CNBD1: variants seen among roughly 807,000 people sequenced by gnomAD.
CNBD1 encodes the protein cyclic nucleotide-binding domain-containing protein 1.
A neutral mutation model predicts 54.4 loss-of-function variants in CNBD1; 71 were observed. The observed-to-expected ratio is 1.30, with a 90% CI of 1.08 to 1.59. The LOEUF is 1.59. CNBD1 is among the 40% of genes most tolerant of loss of function. The pLI is 0.00. For missense variants in CNBD1, 659 were observed against 518.0 expected (o/e 1.27, Z -2.64); for synonymous variants, 182 against 170.7 (o/e 1.07, Z -0.51).
At chr8:87,340,999 A>C (rs984079682) in intron 8 of CNBD1, among the ~76,000 whole-genome samples, 10 of 151,956 alleles carry the variant, frequency 6.6e-5, no homozygotes, top group Admixed American at 3.9e-4. Flanking sequence ...AAATACAACT[A>C]TCTATCTCTT....
intron 8 of CNBD1, among the ~76,000 whole-genome samples, chr8:87,317,289 G>T (rs1809409052): frequency 6.6e-6 from 1 of 150,600 alleles, no homozygotes; most frequent in Admixed American, 6.6e-5. Flanking sequence ...TTGTTGATTT[G>T]AGACTTTTTT....
chr8:87,316,728 T>C (rs972979289), intron 8 of CNBD1, among the ~76,000 whole-genome samples: 2 of 151,774 alleles, frequency 1.3e-5, no homozygotes, highest in African/African-American at 2.4e-5. Context: ...ATGAGGAAGA[T>C]CATAAGCAGA....
intron 4 of CNBD1, among the ~76,000 whole-genome samples, chr8:86,965,452 TG>T (rs1330291283): frequency 5.3e-5 from 8 of 152,250 alleles, no homozygotes; most frequent in African/African-American, 1.9e-4. Flanking sequence ...CAGAGAGTGA[TG>T]GGGGATTAAC....
chr8:87,335,544 C>G (rs1019031845), intron 8 of CNBD1, among the ~76,000 whole-genome samples: 4 of 151,834 alleles, frequency 2.6e-5, no homozygotes, highest in Non-Finnish European at 5.9e-5. Flanking sequence ...TTTTTCTGCT[C>G]TCCATTTTTT....
chr8:87,246,385 G>A (rs1024078550), intron 6 of CNBD1, among the ~76,000 whole-genome samples: 5 of 152,100 alleles, frequency 3.3e-5, no homozygotes, highest in African/African-American at 1.2e-4. Context: ...CATAAGCTTT[G>A]AGTATAGTCT....
Position 87,007,216 on chromosome 8 carries a change from T to A in CNBD1, c.431+67462T>A, listed in dbSNP as rs1037210175. ...CCATCTCAGAAAAAAAAAAAAAAAATTTAAAACTTATTACTGATTTTCCTA... is the reference window on the plus strand; with the variant it reads ...CCATCTCAGAAAAAAAAAAAAAAAAATTAAAACTTATTACTGATTTTCCTA... On this transcript the variant is annotated intron_variant, in intron 4 of 10. Coordinates refer to ENST00000518476, the MANE Select transcript of CNBD1 (RefSeq NM_173538.3). Among the ~76,000 whole-genome samples, 347 of 151,450 alleles carry A rather than the reference T, an allele frequency of 2.3e-3. 1 individual carries two copies. Among genetic ancestry groups the A allele is most frequent in the African/African-American group, 7.5e-3 (311 of 41,334 alleles).
intron 4 of CNBD1, among the ~76,000 whole-genome samples, chr8:86,960,472 A>G (rs1439925727): frequency 1.3e-5 from 2 of 152,112 alleles, no homozygotes; most frequent in Non-Finnish European, 2.9e-5. Context: ...GAGTAGGTAA[A>G]CAAAGTGGCC....
At chr8:87,024,755 T>G (rs981018694) in intron 4 of CNBD1, among the ~76,000 whole-genome samples, 2 of 152,218 alleles carry the variant, frequency 1.3e-5, no homozygotes, top group Admixed American at 1.3e-4. Flanking sequence ...TTTTAAAGAC[T>G]TCTTCTCCTA....
chr8:87,106,861 T>C (rs1249016684), intron 4 of CNBD1, among the ~76,000 whole-genome samples: 1 of 152,100 alleles, frequency 6.6e-6, no homozygotes, highest in Non-Finnish European at 1.5e-5. Flanking sequence ...ACCAGGTTTC[T>C]CTCTGTCACC....
intron 4 of CNBD1, among the ~76,000 whole-genome samples, chr8:86,977,410 T>G (rs1808366998): frequency 6.6e-6 from 1 of 152,112 alleles, no homozygotes; most frequent in South Asian, 2.1e-4. Flanking sequence ...TCTTTGCTCC[T>G]CAGATTGGAA....
rs34829455 is a variant in CNBD1, at chr8:87,241,268, A to ATTTTTTTTTTTTTTTTTT, written c.771+4162_771+4179dup. On this transcript the variant is annotated intron_variant, in intron 6 of 10. Transcript: ENST00000518476. ...GGGCACAAAAATCTGTATTTGGAAG[A>ATTTTTTTTTTTTTTTTTT]TTTTTTTTTTTTTTTTTTTTTTTGA... Among the ~76,000 whole-genome samples, 80 of 93,848 alleles carry ATTTTTTTTTTTTTTTTTT rather than the reference A, an allele frequency of 8.5e-4. 6 individuals are homozygous for ATTTTTTTTTTTTTTTTTT. Among genetic ancestry groups the ATTTTTTTTTTTTTTTTTT allele is most frequent in the African/African-American group, 3.7e-3 (76 of 20,502 alleles). 61.6% of individuals were successfully genotyped at this position (93,848 alleles called of 152,430 possible).
chr8:87,255,958 G>T (rs1294912114), intron 6 of CNBD1, among the ~76,000 whole-genome samples: 3 of 96,040 alleles, frequency 3.1e-5, no homozygotes, highest in Non-Finnish European at 4.0e-5. Context: ...ATACTCATAT[G>T]ATTTGCAGCT....
chr8:87,027,805 C>A (rs1321752423), intron 4 of CNBD1, among the ~76,000 whole-genome samples: 1 of 152,204 alleles, frequency 6.6e-6, no homozygotes, highest in Non-Finnish European at 1.5e-5. Context: ...ATCAGTTTAC[C>A]AAATTCTAAT....
chr8:87,416,886 T>G (rs1807846552), intron 2 of CNBD1, among the ~76,000 whole-genome samples: 1 of 152,040 alleles, frequency 6.6e-6, no homozygotes, highest in African/African-American at 2.4e-5. Flanking sequence ...TCAACAAACT[T>G]AATTCTGCAC....
intron 4 of CNBD1, among the ~76,000 whole-genome samples, chr8:87,100,161 GA>G (rs1284532270): frequency 6.6e-6 from 1 of 152,122 alleles, no homozygotes; most frequent in African/African-American, 2.4e-5. Context: ...CCATAGCATC[GA>G]GCAATTTGGG....
intron 4 of CNBD1, among the ~76,000 whole-genome samples, chr8:87,015,953 C>T (rs1177850496): frequency 7.9e-6 from 1 of 127,146 alleles, no homozygotes; most frequent in Non-Finnish European, 1.6e-5. Flanking sequence ...TGCACTTAGC[C>T]TGGGAAATAG....
intron 4 of CNBD1, among the ~76,000 whole-genome samples, chr8:87,111,662 A>C (rs1350108344): frequency 6.6e-6 from 1 of 152,080 alleles, no homozygotes; most frequent in Non-Finnish European, 1.5e-5. Context: ...CCTTTTGTTT[A>C]TTTATTCGTG....
intron 2 of CNBD1, among the ~76,000 whole-genome samples, chr8:87,414,550 A>C (rs540032011): frequency 6.6e-6 from 1 of 152,024 alleles, no homozygotes; most frequent in African/African-American, 2.4e-5. Flanking sequence ...ATTAATATGT[A>C]CTGGATATAT....
chr8:87,318,781 G>A lies in CNBD1; in HGVS notation c.1042+32110G>A, dbSNP rs550303598. ...TTCAAAATATATATTGTATCAGGCT[G>A]ACCAGGCAGACCCTCAGTCAGATTT... On this transcript the variant is annotated intron_variant, in intron 8 of 10. Transcript: ENST00000518476. 4.7e-4 allele frequency among the ~76,000 whole-genome samples: 72 copies of A among 152,158 alleles called. 1 individual carries two copies. Among genetic ancestry groups the A allele is most frequent in the Non-Finnish European group, 4.4e-5 (3 of 68,004 alleles).
Sources: allele counts gnomAD v4.1 joint callset (sites outside exome capture counted in the v4.1 genomes callset), GRCh38; gene constraint gnomAD v4.1.1; transcripts MANE v1.5; gene names NCBI Gene and HGNC (gene_info 2026-07-23, HGNC 2026-07-21).